ADAMTS12: variants seen among roughly 807,000 people sequenced by gnomAD.
The protein encoded by ADAMTS12 is A disintegrin and metalloproteinase with thrombospondin motifs 12.
ADAMTS12 carries 118 observed loss-of-function variants against 167.8 expected under a neutral mutation model. That is an observed-to-expected ratio of 0.70 (90% CI 0.61 to 0.82). ADAMTS12 has a LOEUF of 0.82. ADAMTS12 is among the 40% of genes least tolerant of loss of function. ADAMTS12 has a pLI of 0.00. For missense variants in ADAMTS12, 1,916 were observed against 1,998.8 expected (o/e 0.96, Z 0.79); for synonymous variants, 704 against 716.9 (o/e 0.98, Z 0.29).
In ADAMTS12 at chr5:33,717,006, A is replaced by G. The variant is rs1743639890; in HGVS notation, c.635-32951T>C. ...TATTTTATTGGTTTGCAAAAGGGAA[A>G]AACTGGGAACATGCATACAGTAACA... On this transcript the variant is annotated intron_variant, in intron 3 of 23. Coordinates refer to ENST00000504830, the MANE Select transcript of ADAMTS12 (RefSeq NM_030955.4). Among the ~76,000 whole-genome samples the G allele has an allele frequency of 5.3e-5, 8 of 152,222 alleles. 1 individual carries two copies. In the South Asian group the frequency reaches 1.7e-3, roughly 31 times the overall value.
chr5:33,746,037 A>C (rs1260788811), intron 3 of ADAMTS12, among the ~76,000 whole-genome samples: 1 of 152,210 alleles, frequency 6.6e-6, no homozygotes, highest in African/African-American at 2.4e-5. Flanking sequence ...AAAAAACAGA[A>C]GAAAAAATAA....
At chr5:33,547,299 A>G (rs1745031723) in intron 21 of ADAMTS12, among the ~76,000 whole-genome samples, 1 of 152,082 alleles carries the variant, frequency 6.6e-6, no homozygotes, top group Non-Finnish European at 1.5e-5. Flanking sequence ...TAGAAATGCA[A>G]AATTTCAGGC....
chr5:33,820,332 A>G (rs2112501032), intron 2 of ADAMTS12, among the ~76,000 whole-genome samples: 1 of 152,308 alleles, frequency 6.6e-6, no homozygotes, highest in Admixed American at 6.5e-5. Context: ...ACAATAATCA[A>G]GTTGTTATCA....
rs754258006 is a variant in ADAMTS12, at chr5:33,523,691, C to T, written c.*3497G>A. On this transcript the variant is annotated 3_prime_UTR_variant, in exon 24 of 24. Coordinates refer to ENST00000504830, the MANE Select transcript of ADAMTS12 (RefSeq NM_030955.4). ...ATGCAGGGAGGGCAATGGGCTGGGC[C>T]GTGTATGTCATACAATTATTTTGGA... 1 of 152,086 alleles carries T rather than the reference C, an allele frequency of 6.6e-6. No individual in the cohort carries two copies. The highest frequency in any genetic ancestry group is 1.5e-5 in the Non-Finnish European group (1 of 68,014). The allele number at this position is 152,086 out of a possible 1,614,324, so 9.4% of individuals were successfully genotyped here.
At chr5:33,675,974 C>T (rs1741886455) in intron 5 of ADAMTS12, among the ~76,000 whole-genome samples, 1 of 152,202 alleles carries the variant, frequency 6.6e-6, no homozygotes, top group Non-Finnish European at 1.5e-5. Flanking sequence ...ATCCTGGAAA[C>T]TATTTGAGCA....
At chr5:33,755,992 C>T in intron 2 of ADAMTS12, among the ~76,000 whole-genome samples, 1 of 152,104 alleles carries the variant, frequency 6.6e-6, no homozygotes, top group East Asian at 1.9e-4. Context: ...AAATAGCACC[C>T]CAAAAATTCC....
In ADAMTS12 at chr5:33,887,307, C is replaced by T. The variant is rs1157017148; in HGVS notation, c.127+4423G>A. 2.0e-5 allele frequency among the ~76,000 whole-genome samples: 3 copies of T among 152,062 alleles called. No homozygotes were observed. The East Asian group carries it at 5.8e-4, about 29-fold the overall frequency. On this transcript the variant is annotated intron_variant, in intron 1 of 23. Transcript: ENST00000504830. Reference sequence around the variant, plus strand: ...TATCCCTCATCTGGGACTATACTTCCATCTCCGTAAAGTGACAACAGTGAG... The same window carrying T: ...TATCCCTCATCTGGGACTATACTTCTATCTCCGTAAAGTGACAACAGTGAG...
chr5:33,615,939 G>A lies in ADAMTS12; in HGVS notation c.2277C>T (p.Ile759=). ...EKYYLNGGFI[I]QWNGNYKLAG... ...CCAGCTTATAGTTCCCGTTCCACTG[G>A]ATAATAAACCCTCCATTCAGGTAAT... The change falls in exon 15 of 24, where the codon ATC becomes ATT. Residue 759 remains isoleucine, a synonymous_variant. Coordinates refer to ENST00000504830, the MANE Select transcript of ADAMTS12 (RefSeq NM_030955.4). The A allele has an allele frequency of 1.9e-6, 3 of 1,614,044 alleles. No homozygotes were observed. Among genetic ancestry groups the A allele is most frequent in the Non-Finnish European group, 2.5e-6 (3 of 1,180,000 alleles).
chr5:33,712,112 G>T (rs540251142), intron 3 of ADAMTS12, among the ~76,000 whole-genome samples: 3 of 152,084 alleles, frequency 2.0e-5, no homozygotes, highest in Non-Finnish European at 4.4e-5. Flanking sequence ...GGAATGTAAC[G>T]AAATTCTGAT....
intron 1 of ADAMTS12, among the ~76,000 whole-genome samples, chr5:33,889,988 T>C (rs997864739): frequency 6.6e-6 from 1 of 152,158 alleles, no homozygotes; most frequent in African/African-American, 2.4e-5. Context: ...TAAACCTAAA[T>C]AAATATATAT....
intron 2 of ADAMTS12, among the ~76,000 whole-genome samples, chr5:33,824,315 G>A (rs1230915416): frequency 6.6e-6 from 1 of 152,108 alleles, no homozygotes; most frequent in Non-Finnish European, 1.5e-5. Flanking sequence ...AACAGAAAGG[G>A]GGGACTTACG....
chr5:33,823,259 G>A (rs1747931249), intron 2 of ADAMTS12, among the ~76,000 whole-genome samples: 1 of 152,150 alleles, frequency 6.6e-6, no homozygotes, highest in Admixed American at 6.5e-5. Flanking sequence ...GGCCAAACTG[G>A]TAACATGAAT....
intron 2 of ADAMTS12, among the ~76,000 whole-genome samples, chr5:33,778,313 T>TA (rs1218016173): frequency 3.9e-5 from 6 of 152,008 alleles, no homozygotes; most frequent in Non-Finnish European, 8.8e-5. Context: ...GTACTGGCAT[T>TA]AAAAAAGGAC....
In ADAMTS12 at chr5:33,576,069, G is replaced by A. The variant is rs1012406509; in HGVS notation, c.3957C>T (p.Val1319=). The change falls in exon 19 of 24, where the codon GTC becomes GTT. Residue 1319 remains valine, a synonymous_variant. Coordinates refer to ENST00000504830, the MANE Select transcript of ADAMTS12 (RefSeq NM_030955.4). ...TNGHGSAHWI[V]GNWSECSTTC... ...AATGTCTTACCTCGCTCCAGTTTCC[G>A]ACGATCCAGTGTGCAGAGCCGTGGC... 5.6e-6 allele frequency: 9 copies of A among 1,612,498 alleles called. No individual in the cohort carries two copies. Among genetic ancestry groups the A allele is most frequent in the African/African-American group, 1.3e-5 (1 of 74,822 alleles).
chr5:33,706,003 T>G (rs1411536228), intron 3 of ADAMTS12, among the ~76,000 whole-genome samples: 2 of 152,108 alleles, frequency 1.3e-5, no homozygotes, highest in East Asian at 3.8e-4. Flanking sequence ...TCCATGTTCA[T>G]GAATTGAAAT....
chr5:33,621,982 G>A (rs1228453676), intron 14 of ADAMTS12, among the ~76,000 whole-genome samples: 2 of 152,186 alleles, frequency 1.3e-5, no homozygotes, highest in Non-Finnish European at 2.9e-5. Context: ...AACACACTGC[G>A]AGCAACCATG....
intron 2 of ADAMTS12, among the ~76,000 whole-genome samples, chr5:33,764,636 G>C (rs1398978524): frequency 6.6e-6 from 1 of 152,148 alleles, no homozygotes. Context: ...GAAGAGATTA[G>C]TAAGGCAAAA....
chr5:33,790,700 C>T (rs1446435290), intron 2 of ADAMTS12, among the ~76,000 whole-genome samples: 2 of 150,200 alleles, frequency 1.3e-5, no homozygotes, highest in East Asian at 2.0e-4. Flanking sequence ...CACACACGCA[C>T]ATGTGTGCAC....
At chr5:33,651,196 G>A (rs1231791300) in intron 7 of ADAMTS12, among the ~76,000 whole-genome samples, 1 of 152,146 alleles carries the variant, frequency 6.6e-6, no homozygotes, top group Non-Finnish European at 1.5e-5. Context: ...CCCAGAGCAT[G>A]AGGTACTCTA....
Sources: allele counts gnomAD v4.1 joint callset (sites outside exome capture counted in the v4.1 genomes callset), GRCh38; gene constraint gnomAD v4.1.1; transcripts MANE v1.5; gene names NCBI Gene and HGNC (gene_info 2026-07-23, HGNC 2026-07-21).